KCND2: variants seen among roughly 807,000 people sequenced by gnomAD.
KCND2 encodes the protein A-type voltage-gated potassium channel KCND2.
Under a neutral mutation model 54.4 loss-of-function variants are expected in KCND2, and 16 were observed. The observed-to-expected ratio is 0.29, with a 90% CI of 0.20 to 0.45. The LOEUF (loss-of-function observed/expected upper bound fraction) is 0.45, where lower values mean the gene tolerates loss of function less well. KCND2 is among the 20% of genes least tolerant of loss of function. KCND2 has a pLI of 1.00. For missense variants in KCND2, 486 were observed against 824.2 expected, an observed-to-expected ratio of 0.59 and a Z score of 5.02; for synonymous variants, 317 against 310.7, an observed-to-expected ratio of 1.02 and a Z score of -0.21.
At position 120,681,526 on chromosome 7, in the gene KCND2, T is replaced by TTC. The variant is rs144959260; in HGVS notation, c.1116-51356_1116-51355dup. On this transcript the variant is annotated intron_variant, in intron 1 of 5. Transcript: ENST00000331113. ...TTAAAATGTGTCAGTAACAAATAAG[T>TTC]TCTCTCTCTCTCTCTCTCTCTCCAT... 7.4e-3 allele frequency among the ~76,000 whole-genome samples: 1,101 copies of TTC among 148,600 alleles called. 11 individuals carry two copies. Among genetic ancestry groups the TTC allele is most frequent in the African/African-American group, 0.021 (848 of 40,388 alleles).
intron 1 of KCND2, among the ~76,000 whole-genome samples, chr7:120,627,884 A>G (rs994601601): frequency 1.3e-5 from 2 of 152,078 alleles, no homozygotes; most frequent in African/African-American, 4.8e-5. Context: ...AAGAGGAGAA[A>G]AAAATCCATT....
chr7:120,425,389 A>C (rs180671312), intron 1 of KCND2, among the ~76,000 whole-genome samples: 2 of 152,250 alleles, frequency 1.3e-5, no homozygotes, highest in Non-Finnish European at 2.9e-5. Flanking sequence ...TGCCTGCGAC[A>C]ATATTTCTGA....
chr7:120,402,187 C>T (rs1801271753), intron 1 of KCND2, among the ~76,000 whole-genome samples: 1 of 152,082 alleles, frequency 6.6e-6, no homozygotes, highest in African/African-American at 2.4e-5. Context: ...TATAGCTTCC[C>T]ATTGGCTCTG....
chr7:120,587,248 A>G (rs1183660718), intron 1 of KCND2, among the ~76,000 whole-genome samples: 1 of 152,168 alleles, frequency 6.6e-6, no homozygotes, highest in Non-Finnish European at 1.5e-5. Flanking sequence ...AATTCAGGCC[A>G]CAAATATTAC....
At chr7:120,548,084 A>G (rs1263357391) in intron 1 of KCND2, among the ~76,000 whole-genome samples, 2 of 152,120 alleles carry the variant, frequency 1.3e-5, no homozygotes, top group Non-Finnish European at 2.9e-5. Context: ...CTACAAAGAA[A>G]AAAATGTTTC....
At position 120,278,516 on chromosome 7, in the gene KCND2, G is replaced by A. The variant is rs538374898; in HGVS notation, c.1115+2769G>A. On this transcript the variant is annotated intron_variant, in intron 1 of 5. Transcript: ENST00000331113. ...CAGTGGTTATTGAAAGTTCCATCTCGTATGAACGTTATCTACATGAGAATA... is the reference window on the plus strand; with the variant it reads ...CAGTGGTTATTGAAAGTTCCATCTCATATGAACGTTATCTACATGAGAATA... Among the ~76,000 whole-genome samples, 102 of 151,022 alleles carry A rather than the reference G, an allele frequency of 6.8e-4. 2 individuals carry two copies. The South Asian group carries it at 9.0e-3, about 13-fold the overall frequency.
At chr7:120,556,040 C>T (rs754482252) in intron 1 of KCND2, among the ~76,000 whole-genome samples, 25 of 152,142 alleles carry the variant, frequency 1.6e-4, no homozygotes, top group East Asian at 9.7e-4. Flanking sequence ...TTGAATCAAA[C>T]GTAAACTTGA....
chr7:120,290,050 A>G (rs966668342), intron 1 of KCND2, among the ~76,000 whole-genome samples: 4 of 152,094 alleles, frequency 2.6e-5, no homozygotes, highest in African/African-American at 9.7e-5. Context: ...AGCTGCCTCA[A>G]TATGCGTGCT....
chr7:120,436,852 G>C (rs1353758845), intron 1 of KCND2, among the ~76,000 whole-genome samples: 1 of 152,160 alleles, frequency 6.6e-6, no homozygotes, highest in Non-Finnish European at 1.5e-5. Flanking sequence ...TCTGTCAGCT[G>C]TCTCAGCCCA....
chr7:120,609,444 G>A (rs189645742), intron 1 of KCND2, among the ~76,000 whole-genome samples: 6 of 152,062 alleles, frequency 3.9e-5, no homozygotes, highest in Non-Finnish European at 7.4e-5. Context: ...GCCAGAAACC[G>A]ATCCACTCAT....
At chr7:120,556,555 T>C (rs974385251) in intron 1 of KCND2, among the ~76,000 whole-genome samples, 25 of 152,182 alleles carry the variant, frequency 1.6e-4, no homozygotes, top group African/African-American at 5.8e-4. Flanking sequence ...TTCCCTTTTA[T>C]CCCTATTTCA....
intron 1 of KCND2, among the ~76,000 whole-genome samples, chr7:120,532,331 T>A (rs2116366259): frequency 6.6e-6 from 1 of 152,032 alleles, no homozygotes; most frequent in East Asian, 1.9e-4. Context: ...ACAATGAACT[T>A]TAAAATCAGT....
chr7:120,394,382 G>A (rs527298969), intron 1 of KCND2, among the ~76,000 whole-genome samples: 45 of 151,860 alleles, frequency 3.0e-4, no homozygotes, highest in African/African-American at 9.9e-4. Flanking sequence ...GTCCTGATGG[G>A]GTCAGCCTGA....
intron 1 of KCND2, among the ~76,000 whole-genome samples, chr7:120,413,531 A>C (rs751088798): frequency 2.6e-5 from 4 of 152,022 alleles, no homozygotes; most frequent in Admixed American, 6.6e-5. Context: ...GTATACACAT[A>C]CATAAATCTA....
intron 1 of KCND2, among the ~76,000 whole-genome samples, chr7:120,330,281 G>A (rs1031166132): frequency 1.3e-5 from 2 of 151,852 alleles, no homozygotes; most frequent in Non-Finnish European, 2.9e-5. Flanking sequence ...AGTGCCTGGC[G>A]CATAATAAAA....
intron 1 of KCND2, among the ~76,000 whole-genome samples, chr7:120,318,567 T>C (rs1799847916): frequency 1.3e-5 from 2 of 152,098 alleles, no homozygotes; most frequent in Non-Finnish European, 2.9e-5. Flanking sequence ...TTGTTACTTG[T>C]TCATTTGGCC....
chr7:120,740,695 C>T (rs1009953983), intron 2 of KCND2: 2 of 236,252 alleles, frequency 8.5e-6, no homozygotes, highest in Non-Finnish European at 1.7e-5. Context: ...TTGAACTGGC[C>T]ACCTAAACCC....
intron 1 of KCND2, among the ~76,000 whole-genome samples, chr7:120,284,311 G>A (rs138951789): frequency 1.6e-4 from 24 of 151,824 alleles, no homozygotes; most frequent in South Asian, 4.2e-4. Context: ...ACACACACGC[G>A]CGCACACTCC....
intron 1 of KCND2, among the ~76,000 whole-genome samples, chr7:120,446,730 C>G (rs1002135384): frequency 6.6e-6 from 1 of 152,166 alleles, no homozygotes; most frequent in Non-Finnish European, 1.5e-5. Flanking sequence ...TCAGGTTACC[C>G]TGTACTCAAG....
Sources: gnomAD v4.1 joint callset for allele counts (sites outside exome capture counted in the v4.1 genomes callset) on GRCh38, gnomAD v4.1.1 for gene constraint, MANE v1.5 for transcripts, NCBI Gene and HGNC (gene_info 2026-07-23, HGNC 2026-07-21) for gene names.